ARMH3: variants seen among roughly 807,000 people sequenced by gnomAD.
ARMH3 encodes the protein armadillo like helical domain containing 3, also known as armadillo-like helical domain-containing protein 3.
In ARMH3, 60 loss-of-function variants were observed where a neutral mutation model predicts 99.1. The ratio of observed to expected loss-of-function variants is 0.61; its 90% CI spans 0.49 to 0.75. The LOEUF (loss-of-function observed/expected upper bound fraction) is 0.75, where lower values mean the gene tolerates loss of function less well. Among genes scored for constraint, ARMH3 ranks in the 30% least tolerant of loss-of-function variants. ARMH3 has a pLI of 0.00. For synonymous variants in ARMH3, 285 were observed against 292.8 expected, an observed-to-expected ratio of 0.97 and a Z score of 0.27; for missense variants, 679 against 843.1, an observed-to-expected ratio of 0.81 and a Z score of 2.41.
intron 20 of ARMH3, among the ~76,000 whole-genome samples, chr10:101,968,170 A>G (rs1484013933): frequency 6.6e-6 from 1 of 152,128 alleles, no homozygotes; most frequent in East Asian, 1.9e-4. Flanking sequence ...GAAAGTTCCC[A>G]GATCCTAGAC....
intron 20 of ARMH3, among the ~76,000 whole-genome samples, chr10:101,958,071 T>C (rs955634696): frequency 2.0e-5 from 3 of 152,248 alleles, no homozygotes; most frequent in Non-Finnish European, 4.4e-5. Context: ...ATTTGCTCAA[T>C]TTACAGGTGA....
At chr10:102,033,424 CTTT>C (rs370808918) in intron 2 of ARMH3, 85 bp from the exon 3 acceptor site, 107 of 1,089,266 alleles carry the variant, frequency 9.8e-5, no homozygotes, top group Middle Eastern at 2.3e-4. Context: ...CCTTAGTTTT[CTTT>C]TTTTTTTTTT....
chr10:101,857,481 A>C (rs2066762112), intron 24 of ARMH3, among the ~76,000 whole-genome samples: 1 of 152,198 alleles, frequency 6.6e-6, no homozygotes, highest in Admixed American at 6.5e-5. Flanking sequence ...TAGGCCTTCA[A>C]CAATGGTCAC....
rs755387248 is a variant in ARMH3, at chr10:102,039,965, T to G, written c.102+48A>C. On this transcript the variant is annotated intron_variant, in intron 2 of 25. Coordinates refer to ENST00000370033, the MANE Select transcript of ARMH3 (RefSeq NM_024541.3). Reference sequence around the variant, plus strand: ...GGTAAGGGTATTTCTCATCTTGGACTAAGAAACTAAAGACTCAAGCTGTAC... The same window carrying G: ...GGTAAGGGTATTTCTCATCTTGGACGAAGAAACTAAAGACTCAAGCTGTAC... The G allele has an allele frequency of 4.6e-6, 7 of 1,525,638 alleles. No homozygotes were observed. The Admixed American group carries it at 1.2e-4, about 26-fold the overall frequency. 94.5% of individuals were successfully genotyped at this position (1,525,638 alleles called of 1,614,324 possible). A position where few individuals can be genotyped will look rare whatever the true frequency, so the allele number is the denominator to read the frequency against.
intron 23 of ARMH3, among the ~76,000 whole-genome samples, chr10:101,901,489 A>G (rs2067977346): frequency 6.6e-6 from 1 of 152,176 alleles, no homozygotes. Context: ...GTCAGCTCTG[A>G]GCCTGCAGGT....
At chr10:101,995,606 T>C (rs1382904513) in intron 15 of ARMH3, among the ~76,000 whole-genome samples, 1 of 152,192 alleles carries the variant, frequency 6.6e-6, no homozygotes, top group East Asian at 1.9e-4. Context: ...CTGAAAGCCA[T>C]CTAACTCACA....
At chr10:102,011,513 C>T (rs899042558) in intron 11 of ARMH3, among the ~76,000 whole-genome samples, 3 of 151,680 alleles carry the variant, frequency 2.0e-5, no homozygotes, top group African/African-American at 4.8e-5. Flanking sequence ...TTGAATCTCA[C>T]TAAAGGTACA....
chr10:101,990,763 C>T (rs963598652), intron 18 of ARMH3, 152 bp from the exon 19 acceptor site: 16 of 635,760 alleles, frequency 2.5e-5, no homozygotes, highest in East Asian at 1.3e-4. Context: ...TTTTATATAA[C>T]GCATTTTGTG....
At chr10:102,025,066 T>G in intron 6 of ARMH3, 90 bp downstream of exon 6, 1 of 1,098,324 alleles carries the variant, frequency 9.1e-7, no homozygotes, top group Non-Finnish European at 1.4e-6. Context: ...GAATATTTCT[T>G]CTCTTTTTCC....
At chr10:102,049,035 A>G (rs528629245) in intron 1 of ARMH3, among the ~76,000 whole-genome samples, 67 of 150,880 alleles carry the variant, frequency 4.4e-4, no homozygotes, top group African/African-American at 1.6e-3. Context: ...TGTGGGCATC[A>G]TTCTTTCTTC....
At chr10:101,989,751 T>C (rs1242453394) in intron 19 of ARMH3, among the ~76,000 whole-genome samples, 1 of 151,952 alleles carries the variant, frequency 6.6e-6, no homozygotes, top group Non-Finnish European at 1.5e-5. Context: ...AACAAAAAAC[T>C]GTGATGGTCA....
At chr10:101,871,723 G>A (rs936913556) in intron 24 of ARMH3, among the ~76,000 whole-genome samples, 17 of 152,106 alleles carry the variant, frequency 1.1e-4, no homozygotes, top group African/African-American at 2.2e-4. Flanking sequence ...CAACGAGGCC[G>A]GGTACAGTGG....
At chr10:101,991,314 T>C (rs1197775661) in intron 18 of ARMH3, among the ~76,000 whole-genome samples, 2 of 152,168 alleles carry the variant, frequency 1.3e-5, no homozygotes, top group Non-Finnish European at 2.9e-5. Flanking sequence ...AAGTTTTGTA[T>C]ATGTAAACCA....
intron 20 of ARMH3, among the ~76,000 whole-genome samples, chr10:101,968,291 A>G (rs1845624194): frequency 6.6e-6 from 1 of 152,024 alleles, no homozygotes; most frequent in South Asian, 2.1e-4. Flanking sequence ...ACCGTTTCCT[A>G]AAGGAGTGAT....
intron 19 of ARMH3, among the ~76,000 whole-genome samples, chr10:101,985,281 T>C (rs1300860080): frequency 6.9e-6 from 1 of 144,818 alleles, no homozygotes; most frequent in African/African-American, 2.5e-5. Flanking sequence ...TATGTGTATA[T>C]ACGTATATAC....
intron 23 of ARMH3, among the ~76,000 whole-genome samples, chr10:101,925,524 AT>A (rs1239051498): frequency 3.9e-5 from 6 of 152,174 alleles, no homozygotes; most frequent in African/African-American, 1.4e-4. Context: ...AACAGGGTAA[AT>A]TTTTTAGTGT....
At position 101,958,306 on chromosome 10, in the gene ARMH3, G is replaced by C. The variant is rs535835154; in HGVS notation, c.1496-574C>G. ...ATTCAAACAAAGTGAAGCTTGCGCT[G>C]ACCTCTCGTTACAGTGACAACATTT... is the stretch of plus-strand genomic sequence containing the variant. On this transcript the variant is annotated intron_variant, in intron 20 of 25. Transcript: ENST00000370033. Among the ~76,000 whole-genome samples, 3 of 152,306 alleles carry C rather than the reference G, an allele frequency of 2.0e-5. No individual in the cohort carries two copies. In the South Asian group the frequency reaches 6.2e-4, roughly 32 times the overall value.
At chr10:101,857,480 A>G (rs1274964294) in intron 24 of ARMH3, among the ~76,000 whole-genome samples, 3 of 152,182 alleles carry the variant, frequency 2.0e-5, no homozygotes, top group African/African-American at 7.2e-5. Context: ...TTAGGCCTTC[A>G]ACAATGGTCA....
chr10:101,930,898 T>C (rs950311508), intron 23 of ARMH3, among the ~76,000 whole-genome samples: 4 of 152,222 alleles, frequency 2.6e-5, no homozygotes, highest in African/African-American at 7.2e-5. Flanking sequence ...ATGCTTTATA[T>C]ATATTGTCAT....
Sources: gnomAD v4.1 joint callset for allele counts (sites outside exome capture counted in the v4.1 genomes callset) on GRCh38, gnomAD v4.1.1 for gene constraint, MANE v1.5 for transcripts, NCBI Gene and HGNC (gene_info 2026-07-23, HGNC 2026-07-21) for gene names.